Variants in PSIP1 observed in about 807,000 individuals in gnomAD.
PSIP1 encodes the protein PC4 and SRSF1 interacting protein 1.
A neutral mutation model predicts 74.7 loss-of-function variants in PSIP1; 19 were observed. That is an observed-to-expected ratio of 0.25 (90% CI 0.18 to 0.37). PSIP1 has a LOEUF of 0.37. Ranked by LOEUF, PSIP1 falls within the 10% of genes least tolerant of loss-of-function variation. The probability of loss-of-function intolerance (pLI) is 1.00; values close to 1 mark genes in which losing one functional copy is unlikely to be tolerated. For missense variants in PSIP1, 601 were observed against 614.3 expected, an observed-to-expected ratio of 0.98 and a Z score of 0.23; for synonymous variants, 222 against 195.3, an observed-to-expected ratio of 1.14 and a Z score of -1.14.
chr9:15,510,021 A>AG (rs148022076), intron 2 of PSIP1, 96 bp downstream of exon 2: 22,826 of 1,263,050 alleles, frequency 0.018, 604 homozygotes, highest in East Asian at 0.12. Context: ...AGCGAGGGAG[A>AG]GAAAGGACAG....
rs531611970 is a variant in PSIP1, at chr9:15,510,206, G to C, written c.-18C>G. 2.0e-5 allele frequency: 32 copies of C among 1,598,246 alleles called. No homozygotes were observed. In the South Asian group the frequency reaches 2.8e-4, roughly 14 times the overall value. On this transcript the variant is annotated 5_prime_UTR_variant, in exon 2 of 16. Coordinates refer to ENST00000380733, the MANE Select transcript of PSIP1 (RefSeq NM_033222.5). ...CGAGTCATGTTTCGGGGGCGAGACC[G>C]GGGGTCCGAAGCCCGGGAGGCGGCG...
Position 15,465,493 on chromosome 9 carries a change from T to C in PSIP1, c.*27A>G, listed in dbSNP as rs2035557457. 1.3e-6 allele frequency: 2 copies of C among 1,494,626 alleles called. No individual in the cohort carries two copies. Among genetic ancestry groups the C allele is most frequent in the Non-Finnish European group, 1.8e-6 (2 of 1,091,360 alleles). 92.6% of individuals were successfully genotyped at this position (1,494,626 alleles called of 1,614,324 possible). ...TGAAAACCATTACAAACTTCTCAAGTGTTCTCTATATTCCAGGTATGTCAA... is the reference window on the plus strand; with the variant it reads ...TGAAAACCATTACAAACTTCTCAAGCGTTCTCTATATTCCAGGTATGTCAA... On this transcript the variant is annotated 3_prime_UTR_variant, in exon 16 of 16. Coordinates refer to ENST00000380733, the MANE Select transcript of PSIP1 (RefSeq NM_033222.5).
chr9:15,496,704 G>GT (rs2037090764), intron 3 of PSIP1, among the ~76,000 whole-genome samples: 1 of 152,064 alleles, frequency 6.6e-6, no homozygotes, highest in South Asian at 2.1e-4. Flanking sequence ...ATAAATTCAC[G>GT]TATCTTAATA....
intron 2 of PSIP1, among the ~76,000 whole-genome samples, chr9:15,507,880 A>C (rs186913157): frequency 3.3e-5 from 5 of 152,118 alleles, no homozygotes; most frequent in African/African-American, 1.2e-4. Flanking sequence ...TTACCACCCA[A>C]TATCTCTAGG....
intron 3 of PSIP1, among the ~76,000 whole-genome samples, chr9:15,493,536 G>A (rs527896696): frequency 1.3e-5 from 2 of 152,216 alleles, no homozygotes; most frequent in East Asian, 1.9e-4. Flanking sequence ...CCCACTTTCT[G>A]GTACCAATTT....
At chr9:15,493,945 T>C (rs1343929673) in intron 3 of PSIP1, among the ~76,000 whole-genome samples, 1 of 152,172 alleles carries the variant, frequency 6.6e-6, no homozygotes, top group Non-Finnish European at 1.5e-5. Context: ...AGATACATTA[T>C]CCAGGATGGA....
intron 10 of PSIP1, chr9:15,471,933 AGAACTCAGAAGT>A (rs1447765512): frequency 2.0e-6 from 2 of 976,342 alleles, no homozygotes; most frequent in Non-Finnish European, 2.4e-6. Flanking sequence ...TGTCAGAGAA[AGAACTCAGAAGT>A]GACAGTCTAA....
chr9:15,507,543 G>C (rs2037649811), intron 2 of PSIP1, among the ~76,000 whole-genome samples: 1 of 152,008 alleles, frequency 6.6e-6, no homozygotes, highest in Admixed American at 6.6e-5. Context: ...AGCCACTCCA[G>C]AGGCGAATCA....
intron 4 of PSIP1, among the ~76,000 whole-genome samples, chr9:15,488,296 A>G (rs2036645137): frequency 6.6e-6 from 1 of 152,098 alleles, no homozygotes; most frequent in South Asian, 2.1e-4. Context: ...ACGCCACTGC[A>G]CTCCAGCCGG....
intron 10 of PSIP1, chr9:15,471,578 A>T: frequency 1.0e-6 from 1 of 955,924 alleles, no homozygotes; most frequent in Non-Finnish European, 1.2e-6. Flanking sequence ...GACAAAGAAT[A>T]ACTTAAATAT....
intron 3 of PSIP1, among the ~76,000 whole-genome samples, chr9:15,496,823 A>G (rs760021398): frequency 2.0e-5 from 3 of 152,226 alleles, no homozygotes; most frequent in Non-Finnish European, 4.4e-5. Context: ...TTTAGTTCAC[A>G]TAATTCAACA....
Position 15,465,599 on chromosome 9 carries a change from G to C in PSIP1, c.1533-19C>G. 7 of 1,535,914 alleles carry C rather than the reference G, an allele frequency of 4.6e-6. No homozygotes were observed. The highest frequency in any genetic ancestry group is 6.2e-6 in the Non-Finnish European group (7 of 1,122,754). The stretch of plus-strand genomic sequence containing the variant: ...GGATGGCCTGAAGAAAAGGGGGAAA[G>C]GTACAACTGGAATTAGGATTTTCTC... On this transcript the variant is annotated intron_variant, in intron 15 of 15. Transcript: ENST00000380733.
At chr9:15,508,662 G>A (rs948144941) in intron 2 of PSIP1, among the ~76,000 whole-genome samples, 1 of 152,150 alleles carries the variant, frequency 6.6e-6, no homozygotes, top group African/African-American at 2.4e-5. Flanking sequence ...CGAAGACCAT[G>A]AAAAAGTATA....
In PSIP1 at chr9:15,501,861, ATATAT is replaced by A. The variant is rs1563897776; in HGVS notation, c.149+4695_149+4699del. On this transcript the variant is annotated intron_variant, in intron 3 of 15. Transcript: ENST00000380733. ...ACAGCATATATATATATATATATATATATATAAAACGCACACCCTCCCATATACTT... is the reference window on the plus strand; with the variant it reads ...ACAGCATATATATATATATATATATAAAAACGCACACCCTCCCATATACTT... 1.4e-4 allele frequency among the ~76,000 whole-genome samples: 21 copies of A among 148,274 alleles called. 1 individual carries two copies. In the East Asian group the frequency reaches 3.0e-3, roughly 21 times the overall value.
At chr9:15,497,568 G>A (rs1009987963) in intron 3 of PSIP1, among the ~76,000 whole-genome samples, 10 of 151,786 alleles carry the variant, frequency 6.6e-5, no homozygotes, top group African/African-American at 1.2e-4. Flanking sequence ...CTCGTGATCC[G>A]CCCACCTCGG....
intron 2 of PSIP1, 91 bp from the exon 3 acceptor site, chr9:15,506,728 TTC>T (rs1446159443): frequency 9.2e-6 from 9 of 977,226 alleles, no homozygotes; most frequent in Middle Eastern, 3.2e-4. Context: ...TCCAAAAGGG[TTC>T]TGTTATAAAA....
intron 9 of PSIP1, 26 bp from the exon 10 acceptor site, chr9:15,472,776 A>G: frequency 6.3e-7 from 1 of 1,580,778 alleles, no homozygotes; most frequent in Non-Finnish European, 8.6e-7. Context: ...GGATGGTTTT[A>G]TTTAACTATA....
chr9:15,492,110 A>G (rs1244839425), intron 3 of PSIP1: 1 of 152,116 alleles, frequency 6.6e-6, no homozygotes, highest in Non-Finnish European at 1.5e-5. Flanking sequence ...TCAAAACACA[A>G]CCATGCCCTT....
intron 4 of PSIP1, among the ~76,000 whole-genome samples, chr9:15,487,326 G>A (rs1047196800): frequency 6.6e-6 from 1 of 152,116 alleles, no homozygotes; most frequent in Non-Finnish European, 1.5e-5. Context: ...TGGGCACTGT[G>A]GCTCACACCT....
Sources: allele counts gnomAD v4.1 joint callset (sites outside exome capture counted in the v4.1 genomes callset), GRCh38; gene constraint gnomAD v4.1.1; transcripts MANE v1.5; gene names NCBI Gene and HGNC (gene_info 2026-07-23, HGNC 2026-07-21).